The following NECTIN3 variants were observed in gnomAD, a reference collection of about 807,000 sequenced individuals.
The protein encoded by NECTIN3 is nectin-3.
Under a neutral mutation model 49.4 loss-of-function variants are expected in NECTIN3, and 8 were observed. That is an observed-to-expected ratio of 0.16 (90% CI 0.10 to 0.29). NECTIN3 has a LOEUF of 0.29. Among genes scored for constraint, NECTIN3 ranks in the 10% least tolerant of loss-of-function variants. The pLI, the probability that NECTIN3 is intolerant of heterozygous loss-of-function variation, is 1.00. For synonymous variants in NECTIN3, 277 were observed against 241.1 expected (o/e 1.15, Z -1.38); for missense variants, 581 against 654.6 (o/e 0.89, Z 1.23).
At chr3:111,185,805 T>C (rs2035709389) in intron 7 of NECTIN3, among the ~76,000 whole-genome samples, 1 of 152,150 alleles carries the variant, frequency 6.6e-6, no homozygotes, top group Admixed American at 6.6e-5. Flanking sequence ...AATCTCAAGT[T>C]CTGGTGGGTG....
In NECTIN3 at chr3:111,137,197, T is replaced by G. The variant is rs2034609682; in HGVS notation, c.*2982T>G. Reference sequence around the variant, plus strand: ...TGCTAAAACACAGTATATGAACAAGTAAGAAGTTTATGTATGAAAGTAATC... The same window carrying G: ...TGCTAAAACACAGTATATGAACAAGGAAGAAGTTTATGTATGAAAGTAATC... On this transcript the variant is annotated 3_prime_UTR_variant, in exon 6 of 6. Coordinates refer to ENST00000485303, the MANE Select transcript of NECTIN3 (RefSeq NM_015480.3). 1 of 936,972 alleles carries G rather than the reference T, an allele frequency of 1.1e-6. No individual in the cohort carries two copies. Among genetic ancestry groups the G allele is most frequent in the African/African-American group, 1.8e-5 (1 of 56,018 alleles). The allele number at this position is 936,972 out of a possible 1,614,324, so 58.0% of individuals were successfully genotyped here. A position where few individuals can be genotyped will look rare whatever the true frequency, so the allele number is the denominator to read the frequency against.
chr3:111,141,863 A>C (rs2107505199), downstream of NECTIN3, among the ~76,000 whole-genome samples: 1 of 152,008 alleles, frequency 6.6e-6, no homozygotes, highest in South Asian at 2.1e-4. Context: ...TCACTCAGTA[A>C]ACTACCTTAG....
rs1340546055 is a variant in NECTIN3, at chr3:111,137,022, T to C, written c.*2807T>C. On this transcript the variant is annotated 3_prime_UTR_variant, in exon 6 of 6. Coordinates refer to ENST00000485303, the MANE Select transcript of NECTIN3 (RefSeq NM_015480.3). ...TTTCAGTAGTAAGTGTTGCTTCTAA[T>C]AGCCATATACAGGAAAGTTTTATAA... The C allele has an allele frequency of 1.6e-5, 16 of 976,348 alleles. No homozygotes were observed. Among genetic ancestry groups the C allele is most frequent in the Admixed American group, 6.2e-5 (1 of 16,138 alleles). The allele number at this position is 976,348 out of a possible 1,614,324, so 60.5% of individuals were successfully genotyped here.
intron 7 of NECTIN3, among the ~76,000 whole-genome samples, chr3:111,164,027 C>A (rs2035270646): frequency 6.9e-6 from 1 of 145,932 alleles, no homozygotes; most frequent in African/African-American, 2.5e-5. Context: ...ATTTGTGATA[C>A]CAAAAGGAAA....
At chr3:111,193,736 G>A (rs574229770) in intron 1 of NECTIN3, among the ~76,000 whole-genome samples, 39 of 152,262 alleles carry the variant, frequency 2.6e-4, no homozygotes, top group African/African-American at 6.5e-4. Context: ...TATTAACCTC[G>A]TTGGGTCTCA....
intron 1 of NECTIN3, chr3:111,072,542 G>C (rs1255205097): frequency 2.0e-6 from 3 of 1,535,672 alleles, no homozygotes; most frequent in African/African-American, 2.7e-5. Flanking sequence ...CACGTTTGCC[G>C]CTTTTTTTCC....
At chr3:111,094,507 A>AT (rs1441397961) in intron 1 of NECTIN3, among the ~76,000 whole-genome samples, 1 of 152,166 alleles carries the variant, frequency 6.6e-6, no homozygotes, top group Non-Finnish European at 1.5e-5. Flanking sequence ...CTACCCTCAG[A>AT]TTCAGTAATT....
chr3:111,151,539 C>T (rs1287216610), intron 7 of NECTIN3, among the ~76,000 whole-genome samples: 2 of 151,698 alleles, frequency 1.3e-5, no homozygotes, highest in African/African-American at 4.8e-5. Flanking sequence ...GTTATATTTT[C>T]TGTAGTTTCT....
At position 111,134,882 on chromosome 3, in the gene NECTIN3, T is replaced by C. The variant is rs1470711540; in HGVS notation, c.*667T>C. On this transcript the variant is annotated 3_prime_UTR_variant, in exon 6 of 6. Transcript: ENST00000485303. ...GTGGTAGTAAACTCAGTGAACATGA[T>C]GTGTGGAAGAGCATAATTAGCTGGT... 5.1e-6 allele frequency: 5 copies of C among 983,684 alleles called. No individual in the cohort carries two copies. The highest frequency in any genetic ancestry group is 6.0e-6 in the Non-Finnish European group (5 of 828,464). 60.9% of individuals were successfully genotyped at this position (983,684 alleles called of 1,614,324 possible).
At chr3:111,141,349 A>G (rs2034740429), downstream of NECTIN3, among the ~76,000 whole-genome samples, 1 of 151,918 alleles carries the variant, frequency 6.6e-6, no homozygotes, top group Non-Finnish European at 1.5e-5. Flanking sequence ...AGTTTTGTCA[A>G]AGGGCCTGAA....
intron 7 of NECTIN3, among the ~76,000 whole-genome samples, chr3:111,172,254 C>T (rs1339018025): frequency 2.0e-5 from 3 of 152,182 alleles, no homozygotes. Context: ...TCCACATACA[C>T]TCACGCATGT....
chr3:111,106,479 T>C (rs2033187520), intron 1 of NECTIN3, among the ~76,000 whole-genome samples: 1 of 152,240 alleles, frequency 6.6e-6, no homozygotes, highest in African/African-American at 2.4e-5. Flanking sequence ...TGTTATTTAA[T>C]TCACCTGGCT....
intron 3 of NECTIN3, among the ~76,000 whole-genome samples, chr3:111,120,993 ATTTC>A (rs1302767225): frequency 7.1e-6 from 1 of 141,758 alleles, no homozygotes; most frequent in African/African-American, 2.6e-5. Context: ...ACAGTGTATT[ATTTC>A]TTTCTTTTTT....
At chr3:111,164,488 G>A (rs1182507276) in intron 7 of NECTIN3, among the ~76,000 whole-genome samples, 3 of 152,074 alleles carry the variant, frequency 2.0e-5, no homozygotes, top group Non-Finnish European at 4.4e-5. Context: ...TTTCCACACT[G>A]CCTTAACAAA....
intron 7 of NECTIN3, among the ~76,000 whole-genome samples, chr3:111,154,519 G>A (rs1029547879): frequency 6.6e-6 from 1 of 152,094 alleles, no homozygotes; most frequent in Non-Finnish European, 1.5e-5. Context: ...AAACACCTAG[G>A]AGTAGAATGA....
chr3:111,187,553 G>C (rs572964333), upstream of NECTIN3, among the ~76,000 whole-genome samples: 1 of 152,240 alleles, frequency 6.6e-6, no homozygotes, highest in South Asian at 2.1e-4. Flanking sequence ...CCAAAACTTG[G>C]AAGTAACCAA....
intron 5 of NECTIN3, 120 bp from the exon 6 acceptor site, chr3:111,133,515 C>T: frequency 7.4e-7 from 1 of 1,351,540 alleles, no homozygotes; most frequent in East Asian, 2.5e-5. Flanking sequence ...GAATGAAAAA[C>T]TATTGTTACT....
chr3:111,139,053 T>C (rs564266126), downstream of NECTIN3, among the ~76,000 whole-genome samples: 7 of 151,786 alleles, frequency 4.6e-5, no homozygotes, highest in South Asian at 1.2e-3. Flanking sequence ...TAGCTTCAGT[T>C]ATCATCAGTT....
rs182387834 is a variant in NECTIN3, at chr3:111,096,571, G to A, written c.161-15459G>A. ...GCAGCAGCCCCTCCCTCCCATCACA[G>A]GCCTGGAGGTTTAGGAGGAAAAATG... On this transcript the variant is annotated intron_variant, in intron 1 of 5. Transcript: ENST00000485303. 1.4e-4 allele frequency among the ~76,000 whole-genome samples: 22 copies of A among 152,312 alleles called. No individual in the cohort carries two copies. The East Asian group carries it at 4.3e-3, about 29-fold the overall frequency.
Sources: allele counts gnomAD v4.1 joint callset (sites outside exome capture counted in the v4.1 genomes callset), GRCh38; gene constraint gnomAD v4.1.1; transcripts MANE v1.5; gene names NCBI Gene and HGNC (gene_info 2026-07-23, HGNC 2026-07-21).